The following NRXN1 variants were observed in gnomAD, a reference collection of about 807,000 sequenced individuals.
NRXN1 encodes neurexin-1.
In NRXN1, 39 loss-of-function variants were observed where a neutral mutation model predicts 150.9. The ratio of observed to expected loss-of-function variants is 0.26; its 90% CI spans 0.20 to 0.34. The LOEUF (loss-of-function observed/expected upper bound fraction) is 0.34. NRXN1 is among the 10% of genes least tolerant of loss of function. NRXN1 has a pLI of 1.00. For missense variants in NRXN1, 1,815 were observed against 1,949.9 expected (o/e 0.93, Z 1.30); for synonymous variants, 924 against 757.0 (o/e 1.22, Z -3.62).
chr2:50,495,299 G>T (rs189755716), intron 15 of NRXN1, among the ~76,000 whole-genome samples: 3 of 151,874 alleles, frequency 2.0e-5, no homozygotes, highest in Admixed American at 6.6e-5. Context: ...ATAAGGAAGA[G>T]AAGCGTATGT....
intron 21 of NRXN1, among the ~76,000 whole-genome samples, chr2:49,985,002 A>C (rs185178975): frequency 1.3e-5 from 2 of 152,294 alleles, no homozygotes; most frequent in African/African-American, 4.8e-5. Flanking sequence ...ATAGGGAGAG[A>C]ATAACTTAGT....
chr2:50,272,916 G>C (rs1387914762), intron 17 of NRXN1, among the ~76,000 whole-genome samples: 1 of 151,838 alleles, frequency 6.6e-6, no homozygotes, highest in Non-Finnish European at 1.5e-5. Context: ...AATACATAAA[G>C]AATTTTTACA....
intron 17 of NRXN1, among the ~76,000 whole-genome samples, chr2:50,385,573 G>A (rs2081279931): frequency 6.6e-6 from 1 of 152,154 alleles, no homozygotes; most frequent in Non-Finnish European, 1.5e-5. Flanking sequence ...GTGGCAGCGT[G>A]CCATTTTCGT....
chr2:50,873,039 G>A (rs1433879179), intron 5 of NRXN1, among the ~76,000 whole-genome samples: 1 of 151,702 alleles, frequency 6.6e-6, no homozygotes, highest in Non-Finnish European at 1.5e-5. Context: ...CCCATATGAT[G>A]TCTAAAAGTT....
At chr2:50,356,852 C>A (rs1054071243) in intron 17 of NRXN1, among the ~76,000 whole-genome samples, 1 of 151,982 alleles carries the variant, frequency 6.6e-6, no homozygotes, top group South Asian at 2.1e-4. Flanking sequence ...CTGCCTCTTA[C>A]GTTATTTTTA....
At chr2:50,616,182 A>T (rs1399772040) in intron 8 of NRXN1, 4 of 151,876 alleles carry the variant, frequency 2.6e-5, no homozygotes, top group African/African-American at 4.8e-5. Flanking sequence ...TGAATTATTT[A>T]AAAAAAACTA....
intron 17 of NRXN1, among the ~76,000 whole-genome samples, chr2:50,258,834 C>T (rs1402185413): frequency 6.6e-6 from 1 of 151,952 alleles, no homozygotes; most frequent in Non-Finnish European, 1.5e-5. Context: ...ATATTAATCC[C>T]CATGTATATC....
chr2:50,866,053 A>G (rs1676896797), intron 5 of NRXN1, among the ~76,000 whole-genome samples: 1 of 151,676 alleles, frequency 6.6e-6, no homozygotes, highest in Non-Finnish European at 1.5e-5. Flanking sequence ...ACCTCCCACC[A>G]TTTGGCCAAA....
chr2:50,344,096 A>AT (rs2152995158), intron 17 of NRXN1, among the ~76,000 whole-genome samples: 1 of 152,232 alleles, frequency 6.6e-6, no homozygotes, highest in African/African-American at 2.4e-5. Flanking sequence ...AACTAGCGAA[A>AT]TATTCAGAGA....
chr2:49,942,617 A>ATTATTATTATT (rs1672196332), intron 22 of NRXN1, among the ~76,000 whole-genome samples: 4 of 149,662 alleles, frequency 2.7e-5, no homozygotes, highest in Admixed American at 6.7e-5. Context: ...TTATTATTTT[A>ATTATTATTATT]TTATTATTTT....
intron 21 of NRXN1, among the ~76,000 whole-genome samples, chr2:49,991,258 G>A (rs1001320663): frequency 6.6e-6 from 1 of 151,940 alleles, no homozygotes; most frequent in Non-Finnish European, 1.5e-5. Context: ...AAAAATAGTA[G>A]GAATACAGAT....
At chr2:50,799,611 T>C (rs1707306766) in intron 5 of NRXN1, among the ~76,000 whole-genome samples, 1 of 152,208 alleles carries the variant, frequency 6.6e-6, no homozygotes, top group African/African-American at 2.4e-5. Flanking sequence ...TTTCTCACTT[T>C]CAGTACAGTA....
Position 50,893,171 on chromosome 2 carries a change from C to T in NRXN1, c.832+28698G>A, listed in dbSNP as rs1490916813. Among the ~76,000 whole-genome samples, 4 of 152,062 alleles carry T rather than the reference C, an allele frequency of 2.6e-5. No homozygotes were observed. In the East Asian group the frequency reaches 7.8e-4, roughly 30 times the overall value. On this transcript the variant is annotated intron_variant, in intron 5 of 22. Coordinates refer to ENST00000401669, the MANE Select transcript of NRXN1 (RefSeq NM_001330078.2). ...GCTACCTCCCAACAACTTTTTGTAC[C>T]CTAAGTGCATCTGAGCATTTGTCCC...
chr2:50,646,517 C>G (rs1684832764), intron 5 of NRXN1, among the ~76,000 whole-genome samples: 1 of 151,970 alleles, frequency 6.6e-6, no homozygotes. Flanking sequence ...CAAGATGAAA[C>G]TGAGGAGAAC....
Position 50,233,818 on chromosome 2 carries a change from T to C in NRXN1, c.3546+2971A>G, listed in dbSNP as rs186165565. ...AATTTATAAATCTTATTTTTCCTTT[T>C]AAATTTCAATAATGAAAGAAGTAGA... On this transcript the variant is annotated intron_variant, in intron 18 of 22. Transcript: ENST00000401669. Among the ~76,000 whole-genome samples the C allele has an allele frequency of 6.9e-4, 105 of 152,200 alleles. 1 individual carries two copies. Among genetic ancestry groups the C allele is most frequent in the African/African-American group, 2.4e-3 (98 of 41,562 alleles).
chr2:50,423,390 T>C (rs1298933570), intron 17 of NRXN1, among the ~76,000 whole-genome samples: 1 of 152,120 alleles, frequency 6.6e-6, no homozygotes, highest in Non-Finnish European at 1.5e-5. Flanking sequence ...CAGCAATAAG[T>C]GCTGGTTTGA....
chr2:50,418,284 G>A (rs559455428), intron 17 of NRXN1, among the ~76,000 whole-genome samples: 1 of 152,082 alleles, frequency 6.6e-6, no homozygotes, highest in South Asian at 2.1e-4. Flanking sequence ...GTTTCACCAA[G>A]AATGAATGTG....
At chr2:50,922,550 A>G (rs921735231) in intron 4 of NRXN1, 108 bp downstream of exon 4, 1 of 951,470 alleles carries the variant, frequency 1.1e-6, no homozygotes, top group African/African-American at 1.6e-5. Context: ...TTTAATTTGC[A>G]GCCATATAAT....
chr2:50,133,582 GA>G (rs1035499099), intron 18 of NRXN1, among the ~76,000 whole-genome samples: 3 of 151,542 alleles, frequency 2.0e-5, no homozygotes, highest in Non-Finnish European at 4.4e-5. Flanking sequence ...GACAACTCAA[GA>G]AAAAAATTAG....
Sources: allele counts gnomAD v4.1 joint callset (sites outside exome capture counted in the v4.1 genomes callset), GRCh38; gene constraint gnomAD v4.1.1; transcripts MANE v1.5; gene names NCBI Gene and HGNC (gene_info 2026-07-23, HGNC 2026-07-21).